EFCAB6: variants seen among roughly 807,000 people sequenced by gnomAD.
The protein encoded by EFCAB6 is EF-hand calcium binding domain 6, also known as EF-hand calcium-binding domain-containing protein 6.
In EFCAB6, 156 loss-of-function variants were observed where a neutral mutation model predicts 169.8. That is an observed-to-expected ratio of 0.92 (90% CI 0.81 to 1.05). The LOEUF (loss-of-function observed/expected upper bound fraction) is 1.05. Ranked by LOEUF, EFCAB6 falls within the 50% of genes least tolerant of loss-of-function variation. The pLI is 0.00. For missense variants in EFCAB6, 1,800 were observed against 1,829.1 expected, an observed-to-expected ratio of 0.98 and a Z score of 0.29; for synonymous variants, 698 against 676.4, an observed-to-expected ratio of 1.03 and a Z score of -0.50.
chr22:43,754,061 A>G (rs368068933), intron 6 of EFCAB6, among the ~76,000 whole-genome samples: 2 of 152,132 alleles, frequency 1.3e-5, no homozygotes, highest in African/African-American at 4.8e-5. Flanking sequence ...CACAAAGCAC[A>G]CAGTTGAGGG....
chr22:43,533,825 T>C (rs1344138728), intron 30 of EFCAB6, among the ~76,000 whole-genome samples: 1 of 152,180 alleles, frequency 6.6e-6, no homozygotes, highest in African/African-American at 2.4e-5. Flanking sequence ...ATGGGGCAGG[T>C]GGCAGCAAGG....
chr22:43,786,239 T>C (rs1173271123), intron 2 of EFCAB6, among the ~76,000 whole-genome samples: 1 of 152,098 alleles, frequency 6.6e-6, no homozygotes, highest in Non-Finnish European at 1.5e-5. Context: ...GGCGCATGCT[T>C]GTTATCCCAG....
At chr22:43,582,861 A>T (rs188033517) in intron 24 of EFCAB6, among the ~76,000 whole-genome samples, 67 of 152,228 alleles carry the variant, frequency 4.4e-4, no homozygotes, top group Non-Finnish European at 7.8e-4. Flanking sequence ...TAAAGAAATC[A>T]CCCCAACCTT....
In EFCAB6 at chr22:43,711,594, C is replaced by T. The variant is rs775256170; in HGVS notation, c.912G>A (p.Lys304=). The T allele has an allele frequency of 8.8e-6, 14 of 1,584,964 alleles. No homozygotes were observed. Among genetic ancestry groups the T allele is most frequent in the Non-Finnish European group, 2.6e-6 (3 of 1,172,930 alleles). ...QLSKSYEKVE[K]ALSAGDPCKG... Reference sequence around the variant, plus strand: ...TACAGGGGTCCCCTGCACTGAGGGCCTTTTCAACCTTTTCATAAGACTTCG... The same window carrying T: ...TACAGGGGTCCCCTGCACTGAGGGCTTTTTCAACCTTTTCATAAGACTTCG... The change falls in exon 10 of 32, where the codon AAG becomes AAA. Residue 304 remains lysine, a synonymous_variant. Coordinates refer to ENST00000262726, the MANE Select transcript of EFCAB6 (RefSeq NM_022785.4).
At chr22:43,654,354 G>A (rs560056325) in intron 17 of EFCAB6, among the ~76,000 whole-genome samples, 1 of 152,212 alleles carries the variant, frequency 6.6e-6, no homozygotes, top group Non-Finnish European at 1.5e-5. Flanking sequence ...TAACGAAGAG[G>A]GGAGAAAAAG....
intron 23 of EFCAB6, among the ~76,000 whole-genome samples, chr22:43,593,051 G>C (rs2051685766): frequency 2.7e-5 from 4 of 146,898 alleles, no homozygotes; most frequent in Admixed American, 2.1e-4. Context: ...CAGAGTGTCA[G>C]TATAGAGGAG....
chr22:43,712,465 T>C (rs940558824), intron 9 of EFCAB6, among the ~76,000 whole-genome samples: 5 of 152,156 alleles, frequency 3.3e-5, no homozygotes, highest in Admixed American at 3.3e-4. Context: ...ACTAAAGGAA[T>C]AAAAAGCAGA....
intron 26 of EFCAB6, among the ~76,000 whole-genome samples, chr22:43,568,221 C>T (rs1602313107): frequency 6.6e-6 from 1 of 152,150 alleles, no homozygotes. Flanking sequence ...TGTTGAGATT[C>T]GTCCAGTCCA....
intron 8 of EFCAB6, among the ~76,000 whole-genome samples, chr22:43,723,412 G>C (rs188763865): frequency 4.6e-4 from 70 of 152,216 alleles, no homozygotes; most frequent in African/African-American, 1.6e-3. Flanking sequence ...TAACAAACCT[G>C]CACATGTACC....
intron 8 of EFCAB6, among the ~76,000 whole-genome samples, chr22:43,717,231 A>G (rs1331682107): frequency 6.6e-6 from 1 of 152,148 alleles, no homozygotes; most frequent in Non-Finnish European, 1.5e-5. Context: ...TAATACAACC[A>G]TAAAAATAGA....
At chr22:43,652,578 C>T (rs1488449933) in intron 17 of EFCAB6, among the ~76,000 whole-genome samples, 1 of 152,166 alleles carries the variant, frequency 6.6e-6, no homozygotes, top group African/African-American at 2.4e-5. Context: ...TTCAATCCAG[C>T]CTCAAATCCA....
chr22:43,554,474 C>G lies in EFCAB6; in HGVS notation c.3648+395G>C, dbSNP rs572683603. 18 of 180,642 alleles carry G rather than the reference C, an allele frequency of 1.0e-4. 1 individual carries two copies. The South Asian group carries it at 2.5e-3, about 25-fold the overall frequency. 11.2% of individuals were successfully genotyped at this position (180,642 alleles called of 1,614,324 possible). A position where few individuals can be genotyped will look rare whatever the true frequency, so the allele number is the denominator to read the frequency against. On this transcript the variant is annotated intron_variant, in intron 27 of 31. Coordinates refer to ENST00000262726, the MANE Select transcript of EFCAB6 (RefSeq NM_022785.4). ...ACATATTTTCATACTTTTTCTAATA[C>G]ATCTGCCTTTTTTACCTACAACTGT... is the stretch of plus-strand genomic sequence containing the variant.
At chr22:43,614,296 T>C (rs2053541003) in intron 21 of EFCAB6, among the ~76,000 whole-genome samples, 1 of 150,422 alleles carries the variant, frequency 6.6e-6, no homozygotes, top group Non-Finnish European at 1.5e-5. Context: ...AGTAGACCAA[T>C]GGAACACAAT....
intron 2 of EFCAB6, among the ~76,000 whole-genome samples, chr22:43,794,728 C>T (rs895029994): frequency 1.6e-4 from 25 of 152,294 alleles, no homozygotes; most frequent in African/African-American, 5.5e-4. Context: ...TTCCAGCATT[C>T]GTGCCACCAA....
intron 27 of EFCAB6, among the ~76,000 whole-genome samples, chr22:43,543,995 T>TA (rs1438860736): frequency 3.3e-5 from 5 of 151,964 alleles, no homozygotes; most frequent in Middle Eastern, 3.4e-3. Context: ...CACTCTGTTT[T>TA]ACCCTATCCT....
intron 10 of EFCAB6, among the ~76,000 whole-genome samples, chr22:43,701,118 T>C (rs142280857): frequency 3.9e-3 from 587 of 152,278 alleles, no homozygotes; most frequent in Non-Finnish European, 6.8e-3. Flanking sequence ...CAAAGGTAGA[T>C]TTGCTGTCTT....
chr22:43,616,778 C>A (rs2053719788), intron 20 of EFCAB6, among the ~76,000 whole-genome samples: 1 of 152,232 alleles, frequency 6.6e-6, no homozygotes, highest in Non-Finnish European at 1.5e-5. Context: ...ACAGTAAAGG[C>A]TGAGGCTGGA....
chr22:43,766,055 A>T (rs965307324), intron 4 of EFCAB6, among the ~76,000 whole-genome samples: 1 of 152,082 alleles, frequency 6.6e-6, no homozygotes, highest in Admixed American at 6.5e-5. Flanking sequence ...TTGTTTTTTG[A>T]GATGGAGTCT....
At chr22:43,718,166 G>A (rs2059401034) in intron 8 of EFCAB6, among the ~76,000 whole-genome samples, 1 of 152,052 alleles carries the variant, frequency 6.6e-6, no homozygotes, top group Admixed American at 6.5e-5. Flanking sequence ...AGAATTATAC[G>A]GGATTATTAT....
Sources: gnomAD v4.1 joint callset for allele counts (sites outside exome capture counted in the v4.1 genomes callset) on GRCh38, gnomAD v4.1.1 for gene constraint, MANE v1.5 for transcripts, NCBI Gene and HGNC (gene_info 2026-07-23, HGNC 2026-07-21) for gene names.